The following COL24A1 variants were observed in gnomAD, a reference collection of about 807,000 sequenced individuals.
COL24A1 encodes collagen type XXIV alpha 1 chain.
Under a neutral mutation model 253.9 loss-of-function variants are expected in COL24A1, and 224 were observed. That is an observed-to-expected ratio of 0.88 (90% CI 0.79 to 0.99). The LOEUF (loss-of-function observed/expected upper bound fraction) is 0.99, where lower values mean the gene tolerates loss of function less well. COL24A1 is among the 50% of genes least tolerant of loss of function. The pLI is 0.00. For missense variants in COL24A1, 2,131 were observed against 2,068.5 expected (o/e 1.03, Z -0.59); for synonymous variants, 685 against 673.7 (o/e 1.02, Z -0.26).
chr1:85,823,789 A>G (rs1382016936), intron 43 of COL24A1, 51 bp from the exon 44 acceptor site: 2 of 1,516,852 alleles, frequency 1.3e-6, no homozygotes, highest in Admixed American at 1.7e-5. Flanking sequence ...CATGTGACTT[A>G]AGAGAATAGG....
chr1:85,737,307 T>C (rs114069383), intron 58 of COL24A1, 89 bp downstream of exon 58: 50,736 of 720,088 alleles, frequency 0.07, 2,147 homozygotes, highest in Middle Eastern at 0.11. Flanking sequence ...TTAAAATTCA[T>C]AATTATTTAA....
intron 11 of COL24A1, among the ~76,000 whole-genome samples, chr1:86,048,654 C>T (rs1385241818): frequency 6.6e-6 from 1 of 152,072 alleles, no homozygotes; most frequent in Non-Finnish European, 1.5e-5. Context: ...CCAGGCCCGG[C>T]TAATTTTTTG....
chr1:86,046,293 G>A (rs1699895674), intron 12 of COL24A1, among the ~76,000 whole-genome samples: 1 of 152,084 alleles, frequency 6.6e-6, no homozygotes, highest in Non-Finnish European at 1.5e-5. Flanking sequence ...TTTCTCATTT[G>A]TTAAGCAATG....
At chr1:85,965,092 T>C (rs767513828) in intron 22 of COL24A1, 30 bp from the exon 23 acceptor site, 15 of 1,549,082 alleles carry the variant, frequency 9.7e-6, no homozygotes, top group Non-Finnish European at 1.1e-5. Flanking sequence ...AAGAAGAAAG[T>C]ATATATGTTT....
intron 24 of COL24A1, among the ~76,000 whole-genome samples, chr1:85,932,688 A>G (rs1467951770): frequency 9.6e-6 from 1 of 103,654 alleles, no homozygotes; most frequent in African/African-American, 4.0e-5. Context: ...GAACCAACCC[A>G]AATGTCCAAC....
chr1:85,801,387 G>A (rs1327104236), intron 47 of COL24A1, among the ~76,000 whole-genome samples: 1 of 152,188 alleles, frequency 6.6e-6, no homozygotes, highest in Non-Finnish European at 1.5e-5. Flanking sequence ...TGCACCACTA[G>A]GATATTGAAA....
chr1:85,933,132 G>A lies in COL24A1; in HGVS notation c.2563-21699C>T, dbSNP rs369530939. Reference sequence around the variant, plus strand: ...AAAGAAAAAAAAAAGAATGTGTGTAGGTGAAGAGAAAATGTAAAAAACTTG... The same window carrying A: ...AAAGAAAAAAAAAAGAATGTGTGTAAGTGAAGAGAAAATGTAAAAAACTTG... On this transcript the variant is annotated intron_variant, in intron 24 of 59. Coordinates refer to ENST00000370571, the MANE Select transcript of COL24A1 (RefSeq NM_152890.7). Among the ~76,000 whole-genome samples the A allele has an allele frequency of 2.7e-5, 4 of 150,940 alleles. No homozygotes were observed. In the East Asian group the frequency reaches 7.8e-4, roughly 29 times the overall value.
intron 43 of COL24A1, among the ~76,000 whole-genome samples, chr1:85,836,793 A>T (rs1676050825): frequency 6.6e-6 from 1 of 152,214 alleles, no homozygotes; most frequent in Non-Finnish European, 1.5e-5. Flanking sequence ...CAGTTGAAAA[A>T]TTATCAGGGG....
intron 1 of COL24A1, chr1:86,154,174 G>A (rs1257161549): frequency 3.4e-5 from 5 of 148,266 alleles, no homozygotes; most frequent in Non-Finnish European, 7.5e-5. Context: ...CCGAAGGGTT[G>A]GTGGCATTAT....
rs1165341082 is a variant in COL24A1, at chr1:85,945,002, GTTTTTTTTTTTTT to G, written c.2562+16234_2562+16246del. Among the ~76,000 whole-genome samples the G allele has an allele frequency of 1.1e-3, 39 of 35,358 alleles. No homozygotes were observed. The South Asian group carries it at 0.017, about 16-fold the overall frequency. 23.2% of individuals were successfully genotyped at this position (35,358 alleles called of 152,430 possible). On this transcript the variant is annotated intron_variant, in intron 24 of 59. Coordinates refer to ENST00000370571, the MANE Select transcript of COL24A1 (RefSeq NM_152890.7). ...TTTTCTTAATCCAGTCTATCATTGT[GTTTTTTTTTTTTT>G]TTTTTTTTTTTTTTTTTTTTGAGAC...
intron 6 of COL24A1, among the ~76,000 whole-genome samples, chr1:86,091,752 C>A (rs1703503769): frequency 6.6e-6 from 1 of 152,068 alleles, no homozygotes; most frequent in Admixed American, 6.5e-5. Context: ...GATATATCAT[C>A]AACTCTGTCA....
chr1:85,784,797 C>G (rs1406036557), intron 48 of COL24A1, among the ~76,000 whole-genome samples: 2 of 152,016 alleles, frequency 1.3e-5, no homozygotes, highest in East Asian at 3.9e-4. Context: ...GTGATGTGAT[C>G]ATGGCTTACT....
chr1:85,757,588 G>T (rs765216328), intron 55 of COL24A1, among the ~76,000 whole-genome samples: 2 of 151,950 alleles, frequency 1.3e-5, no homozygotes, highest in Non-Finnish European at 2.9e-5. Flanking sequence ...TTCCCAACAG[G>T]TATTAGAAAG....
At chr1:85,732,282 T>C (rs531334731) in intron 59 of COL24A1, among the ~76,000 whole-genome samples, 78 of 150,570 alleles carry the variant, frequency 5.2e-4, no homozygotes, top group African/African-American at 1.7e-3. Flanking sequence ...CCAGCTGGAG[T>C]GCAGTGGTGC....
chr1:85,790,828 T>C (rs551197628), intron 47 of COL24A1, among the ~76,000 whole-genome samples: 35 of 152,298 alleles, frequency 2.3e-4, no homozygotes, highest in African/African-American at 8.4e-4. Flanking sequence ...TTATACAGTA[T>C]ATATCAACAT....
chr1:85,844,219 CAT>C (rs58663298), intron 39 of COL24A1, among the ~76,000 whole-genome samples: 1,737 of 152,110 alleles, frequency 0.011, 30 homozygotes, highest in African/African-American at 0.04. Flanking sequence ...AAGCAGAAAT[CAT>C]ATAGGTCACA....
intron 37 of COL24A1, among the ~76,000 whole-genome samples, chr1:85,856,635 C>T (rs1216658593): frequency 1.3e-5 from 2 of 152,114 alleles, no homozygotes; most frequent in Admixed American, 1.3e-4. Context: ...GCGTCCAAAA[C>T]CAAAGTCTCT....
intron 23 of COL24A1, 140 bp downstream of exon 23, chr1:85,964,869 T>A: frequency 3.1e-6 from 2 of 640,316 alleles, no homozygotes; most frequent in Non-Finnish European, 5.3e-6. Context: ...ATATAGATTC[T>A]CAGTTGCTCT....
chr1:86,089,712 C>T (rs1035423143), intron 6 of COL24A1, among the ~76,000 whole-genome samples: 18 of 152,116 alleles, frequency 1.2e-4, no homozygotes, highest in Non-Finnish European at 4.4e-5. Flanking sequence ...CCCACCTACT[C>T]AGGAGGCTGA....
Sources: gnomAD v4.1 joint callset for allele counts (sites outside exome capture counted in the v4.1 genomes callset) on GRCh38, gnomAD v4.1.1 for gene constraint, MANE v1.5 for transcripts, NCBI Gene and HGNC (gene_info 2026-07-23, HGNC 2026-07-21) for gene names.